The following SNX30 variants were observed in gnomAD, a reference collection of about 807,000 sequenced individuals.
SNX30 encodes sorting nexin family member 30.
Under a neutral mutation model 46.4 loss-of-function variants are expected in SNX30, and 24 were observed. The observed-to-expected ratio is 0.52, with a 90% CI of 0.37 to 0.73. The LOEUF (loss-of-function observed/expected upper bound fraction) is 0.73, where lower values mean the gene tolerates loss of function less well. SNX30 is among the 30% of genes least tolerant of loss of function. The pLI is 0.00. For missense variants in SNX30, 533 were observed against 555.7 expected, an observed-to-expected ratio of 0.96 and a Z score of 0.41; for synonymous variants, 189 against 211.5, an observed-to-expected ratio of 0.89 and a Z score of 0.92.
At chr9:112,840,611 G>T (rs183173166) in intron 6 of SNX30, among the ~76,000 whole-genome samples, 2 of 151,866 alleles carry the variant, frequency 1.3e-5, no homozygotes, top group African/African-American at 2.4e-5. Flanking sequence ...TCAGCCTCCC[G>T]AGTAGCTGGG....
chr9:112,752,510 C>T (rs1839293732), intron 1 of SNX30, among the ~76,000 whole-genome samples: 2 of 152,052 alleles, frequency 1.3e-5, no homozygotes, highest in Admixed American at 6.6e-5. Flanking sequence ...GAGGCTGAGG[C>T]GGGAGGATTG....
chr9:112,822,328 G>A (rs1840513742), intron 3 of SNX30, among the ~76,000 whole-genome samples: 1 of 152,032 alleles, frequency 6.6e-6, no homozygotes. Context: ...TGTAATAGTT[G>A]GAGCTGCCAG....
Position 112,850,952 on chromosome 9 carries a change from G to A in SNX30, c.1101+7G>A, listed in dbSNP as rs772058098. ...GAAGGAAGACCGCCCCAAGGTCAGGGAAGCCACCTGGGAAGGGCTGCAAAG... is the reference window on the plus strand; with the variant it reads ...GAAGGAAGACCGCCCCAAGGTCAGGAAAGCCACCTGGGAAGGGCTGCAAAG... On this transcript the variant is annotated splice_region_variant and intron_variant, in intron 7 of 8. Transcript: ENST00000374232. 1 of 1,612,906 alleles carries A rather than the reference G, an allele frequency of 6.2e-7. No individual in the cohort carries two copies. Among genetic ancestry groups the A allele is most frequent in the South Asian group, 1.1e-5 (1 of 91,022 alleles).
Position 112,865,659 on chromosome 9 carries a change from A to ATG in SNX30, c.1254+1261_1254+1262insGT, listed in dbSNP as rs1473545725. On this transcript the variant is annotated intron_variant, in intron 8 of 8. Coordinates refer to ENST00000374232, the MANE Select transcript of SNX30 (RefSeq NM_001012994.2). ...TATATATATATATATATATATATAT[A>ATG]TATGTATGTATGTATGCACACACAC... is the stretch of plus-strand genomic sequence containing the variant. Among the ~76,000 whole-genome samples the ATG allele has an allele frequency of 1.5e-3, 120 of 79,668 alleles. 6 individuals are homozygous for ATG. The highest frequency in any genetic ancestry group is 4.5e-3 in the South Asian group (12 of 2,674). The allele number at this position is 79,668 out of a possible 152,430, so 52.3% of individuals were successfully genotyped here. A position where few individuals can be genotyped will look rare whatever the true frequency, so the allele number is the denominator to read the frequency against.
intron 8 of SNX30, chr9:112,866,599 C>T (rs1033357535): frequency 1.1e-5 from 5 of 465,070 alleles, no homozygotes; most frequent in African/African-American, 1.0e-4. Context: ...CCTCTCTAAC[C>T]TCAGAGTCAC....
intron 7 of SNX30, among the ~76,000 whole-genome samples, chr9:112,855,560 A>C (rs1841110505): frequency 6.6e-6 from 1 of 152,124 alleles, no homozygotes; most frequent in South Asian, 2.1e-4. Flanking sequence ...TTCCCTGTGA[A>C]TTTCAACGTG....
chr9:112,813,914 A>G (rs1046667183), intron 2 of SNX30, among the ~76,000 whole-genome samples: 3 of 152,270 alleles, frequency 2.0e-5, no homozygotes, highest in African/African-American at 7.2e-5. Flanking sequence ...TTTAAATAAT[A>G]TTGCAATGAA....
rs183167528 is a variant in SNX30, at chr9:112,860,935, A to G, written c.1102-3312A>G. On this transcript the variant is annotated intron_variant, in intron 7 of 8. Coordinates refer to ENST00000374232, the MANE Select transcript of SNX30 (RefSeq NM_001012994.2). ...GGCACAAGTGTGTCACAGGTGTGCA[A>G]TGACTCTCTGGAACCAGTGTTGCAG... Among the ~76,000 whole-genome samples the G allele has an allele frequency of 8.5e-5, 13 of 152,344 alleles. No homozygotes were observed. The East Asian group carries it at 1.2e-3, about 14-fold the overall frequency.
At chr9:112,815,135 T>C (rs781053538) in intron 2 of SNX30, among the ~76,000 whole-genome samples, 13 of 151,988 alleles carry the variant, frequency 8.6e-5, no homozygotes, top group Non-Finnish European at 1.3e-4. Flanking sequence ...TTATTTTTCT[T>C]GAAGTTTTAA....
chr9:112,791,167 C>A (rs1028023657), intron 1 of SNX30, among the ~76,000 whole-genome samples: 11 of 152,054 alleles, frequency 7.2e-5, no homozygotes, highest in Non-Finnish European at 1.5e-5. Flanking sequence ...TATTTTGTCA[C>A]CCCAAAAAGA....
At chr9:112,826,681 A>T (rs1840584074) in intron 3 of SNX30, among the ~76,000 whole-genome samples, 1 of 152,152 alleles carries the variant, frequency 6.6e-6, no homozygotes, top group Admixed American at 6.5e-5. Flanking sequence ...GCTTCTGTGG[A>T]GGAAGCAAAA....
Position 112,864,313 on chromosome 9 carries a change from A to C in SNX30, c.1168A>C (p.Met390Leu). ...TTTCAATGCTGACCTGAAAGCTGAC[A>C]TGGAGAGGTGGCAGAACAACAAGAG... ...ECFNADLKAD[M>L]ERWQNNKRQD... is the part of the protein sequence containing the mutation. The change falls in exon 8 of 9, where the codon ATG becomes CTG. Residue 390 changes from methionine (M) to leucine (L), a missense_variant. This residue lies in a region of SNX30 where 261 missense variants were observed against 270.9 expected (regional missense o/e 0.96). Coordinates refer to ENST00000374232, the MANE Select transcript of SNX30 (RefSeq NM_001012994.2). 6.2e-7 allele frequency: 1 copy of C among 1,614,206 alleles called. No individual in the cohort carries two copies.
At chr9:112,797,725 T>TA (rs1840131556) in intron 1 of SNX30, among the ~76,000 whole-genome samples, 1 of 148,484 alleles carries the variant, frequency 6.7e-6, no homozygotes, top group African/African-American at 2.5e-5. Context: ...TTTTTTTTTT[T>TA]TTGAGATGGA....
At chr9:112,821,399 T>G (rs1260710848) in intron 3 of SNX30, among the ~76,000 whole-genome samples, 1 of 152,184 alleles carries the variant, frequency 6.6e-6, no homozygotes, top group South Asian at 2.1e-4. Context: ...TTTTTTCAAA[T>G]TTTATATATA....
At chr9:112,840,126 G>A (rs1473516543) in intron 6 of SNX30, among the ~76,000 whole-genome samples, 1 of 152,166 alleles carries the variant, frequency 6.6e-6, no homozygotes, top group Non-Finnish European at 1.5e-5. Context: ...TTATAAAGTT[G>A]CTAATAAAAC....
intron 5 of SNX30, 81 bp from the exon 6 acceptor site, chr9:112,838,417 T>C (rs1840799693): frequency 8.3e-7 from 1 of 1,208,228 alleles, no homozygotes; most frequent in African/African-American, 1.5e-5. Flanking sequence ...TAGAGAGCTC[T>C]TGGCTGTGGT....
intron 2 of SNX30, among the ~76,000 whole-genome samples, chr9:112,813,157 C>T (rs922070074): frequency 1.3e-5 from 2 of 151,780 alleles, no homozygotes; most frequent in African/African-American, 4.8e-5. Context: ...TCAAAAAAAA[C>T]CCCCCAAAAC....
chr9:112,789,531 T>C (rs1839986725), intron 1 of SNX30, among the ~76,000 whole-genome samples: 1 of 152,244 alleles, frequency 6.6e-6, no homozygotes, highest in South Asian at 2.1e-4. Context: ...TAGCACTGCA[T>C]TGGGATTTTG....
chr9:112,865,795 C>T (rs926276305), intron 8 of SNX30, among the ~76,000 whole-genome samples: 6 of 146,866 alleles, frequency 4.1e-5, no homozygotes, highest in East Asian at 2.0e-4. Flanking sequence ...ATATATATTG[C>T]GATAGGGTCA....
Sources: allele counts gnomAD v4.1 joint callset (sites outside exome capture counted in the v4.1 genomes callset), GRCh38; gene constraint gnomAD v4.1.1; regional missense constraint gnomAD v4.1.1; transcripts MANE v1.5; gene names NCBI Gene and HGNC (gene_info 2026-07-23, HGNC 2026-07-21).